The following ZCWPW2 variants were observed in gnomAD, a reference collection of about 807,000 sequenced individuals.
The protein encoded by ZCWPW2 is zinc finger CW-type PWWP domain protein 2.
In ZCWPW2, 45 loss-of-function variants were observed where a neutral mutation model predicts 46.6. The observed-to-expected ratio is 0.96, with a 90% confidence interval of 0.76 to 1.24. The LOEUF is 1.24. ZCWPW2 is among the 50% of genes most tolerant of loss of function. ZCWPW2 has a pLI of 0.00. For missense variants in ZCWPW2, 429 were observed against 403.9 expected (o/e 1.06, Z -0.53); for synonymous variants, 152 against 137.1 (o/e 1.11, Z -0.76).
intron 2 of ZCWPW2, among the ~76,000 whole-genome samples, chr3:28,397,501 C>A (rs1160119282): frequency 6.6e-6 from 1 of 152,102 alleles, no homozygotes. Flanking sequence ...GAGACCCTGT[C>A]TCTACTAAAA....
At chr3:28,399,321 C>T (rs551483151) in intron 2 of ZCWPW2, among the ~76,000 whole-genome samples, 3 of 152,224 alleles carry the variant, frequency 2.0e-5, no homozygotes, top group South Asian at 4.1e-4. Flanking sequence ...CCTAGCCTTA[C>T]CCCCACCCAG....
intron 6 of ZCWPW2, among the ~76,000 whole-genome samples, chr3:28,511,349 C>T (rs1434235373): frequency 2.0e-5 from 3 of 151,830 alleles, no homozygotes; most frequent in African/African-American, 7.3e-5. Context: ...ATAATGTAAA[C>T]AAGATTTTAA....
rs915757779 is a variant in ZCWPW2 at position 28,526,336 on chromosome 3, A to G, written c.*1648A>G. 1.3e-5 allele frequency among the ~76,000 whole-genome samples: 2 copies of G among 152,172 alleles called. No individual in the cohort carries two copies. The highest frequency in any genetic ancestry group is 2.9e-5 in the Non-Finnish European group (2 of 68,020). ...TATCAGAGTTCTTTCTTTCTCATTT[A>G]TAAAATTAATCTTTGGAAACCATCA... On this transcript the variant is annotated 3_prime_UTR_variant, in exon 10 of 10. Coordinates refer to ENST00000383768, the MANE Select transcript of ZCWPW2 (RefSeq NM_001040432.4).
rs536689535 is a variant in ZCWPW2, at chr3:28,480,445, T to TAGATGGTGGATATTAGACCTTTGTC, written c.610+1545_610+1569dup. Among the ~76,000 whole-genome samples the TAGATGGTGGATATTAGACCTTTGTC allele has an allele frequency of 3.0e-3, 459 of 152,122 alleles. 10 individuals are homozygous for TAGATGGTGGATATTAGACCTTTGTC. The South Asian group carries it at 0.034, about 11-fold the overall frequency. ...CTTGTGAACTTGTTTAAGTTCCCTATAGATGGTGGATATTAGACCTTTGTC... is the reference window on the plus strand; with the variant it reads ...CTTGTGAACTTGTTTAAGTTCCCTATAGATGGTGGATATTAGACCTTTGTCAGATGGTGGATATTAGACCTTTGTC... On this transcript the variant is annotated intron_variant, in intron 5 of 9. Transcript: ENST00000383768.
chr3:28,396,809 TG>T (rs1372878617), intron 2 of ZCWPW2, among the ~76,000 whole-genome samples: 1 of 152,234 alleles, frequency 6.6e-6, no homozygotes, highest in Non-Finnish European at 1.5e-5. Context: ...CTATTCCATA[TG>T]TATTTATTCA....
At chr3:28,381,939 G>T (rs1260127509) in intron 1 of ZCWPW2, among the ~76,000 whole-genome samples, 1 of 152,080 alleles carries the variant, frequency 6.6e-6, no homozygotes, top group Non-Finnish European at 1.5e-5. Flanking sequence ...AAGGTGGGCG[G>T]ATCACCTGAG....
chr3:28,393,485 A>G (rs1451548870), intron 2 of ZCWPW2, among the ~76,000 whole-genome samples: 2 of 152,144 alleles, frequency 1.3e-5, no homozygotes, highest in Non-Finnish European at 2.9e-5. Context: ...GGACACTACA[A>G]GAAAAGAAAA....
At chr3:28,511,714 C>T (rs1430539596) in intron 6 of ZCWPW2, among the ~76,000 whole-genome samples, 1 of 151,994 alleles carries the variant, frequency 6.6e-6, no homozygotes, top group Non-Finnish European at 1.5e-5. Context: ...TTTGTAAATC[C>T]TCTTTGTTCT....
At chr3:28,473,823 A>G (rs1030077443) in intron 4 of ZCWPW2, among the ~76,000 whole-genome samples, 4 of 152,328 alleles carry the variant, frequency 2.6e-5, no homozygotes, top group South Asian at 2.1e-4. Context: ...CTAAAAATTA[A>G]AAGAGTTGAA....
intron 1 of ZCWPW2, among the ~76,000 whole-genome samples, chr3:28,375,949 ATGT>A (rs1351017112): frequency 1.3e-4 from 18 of 137,020 alleles, no homozygotes; most frequent in Admixed American, 1.6e-4. Context: ...AGTTCCATCC[ATGT>A]TGTTGCAAAT....
At position 28,478,774 on chromosome 3, in the gene ZCWPW2, T is replaced by C. The variant is rs758159743; in HGVS notation, c.493-40T>C. 2.6e-6 allele frequency: 3 copies of C among 1,134,702 alleles called. No individual in the cohort carries two copies. In the South Asian group the frequency reaches 6.1e-5, roughly 23 times the overall value. The allele number at this position is 1,134,702 out of a possible 1,614,324, so 70.3% of individuals were successfully genotyped here. A position where few individuals can be genotyped will look rare whatever the true frequency, so the allele number is the denominator to read the frequency against. The stretch of plus-strand genomic sequence containing the variant: ...GTGGATTTTAAAACAAAGTTATATA[T>C]TTAAAAATGAATTTTTTTCTTTTTT... On this transcript the variant is annotated intron_variant, in intron 4 of 9. Transcript: ENST00000383768.
intron 4 of ZCWPW2, among the ~76,000 whole-genome samples, chr3:28,435,765 C>G (rs567607581): frequency 6.6e-6 from 1 of 151,974 alleles, no homozygotes; most frequent in African/African-American, 2.4e-5. Flanking sequence ...GGATTACAGG[C>G]GTGAGCCACT....
intron 4 of ZCWPW2, among the ~76,000 whole-genome samples, chr3:28,475,334 C>A (rs1055232622): frequency 1.3e-5 from 2 of 152,146 alleles, no homozygotes; most frequent in Non-Finnish European, 2.9e-5. Flanking sequence ...AATCCTAACA[C>A]TTTTTACTAC....
intron 3 of ZCWPW2, among the ~76,000 whole-genome samples, chr3:28,430,070 A>G (rs538489183): frequency 6.6e-6 from 1 of 152,262 alleles, no homozygotes; most frequent in South Asian, 2.1e-4. Context: ...CTGTGAGAAG[A>G]GGGCCATCTT....
intron 1 of ZCWPW2, among the ~76,000 whole-genome samples, chr3:28,367,648 A>G (rs1174426612): frequency 2.0e-5 from 3 of 152,276 alleles, no homozygotes; most frequent in Middle Eastern, 3.4e-3. Context: ...AGTTCTGTAG[A>G]TGTCTATTAG....
intron 3 of ZCWPW2, among the ~76,000 whole-genome samples, chr3:28,420,976 T>G (rs1283705488): frequency 2.6e-5 from 4 of 152,204 alleles, no homozygotes; most frequent in African/African-American, 9.7e-5. Context: ...TTCTGAAATG[T>G]TCATTTGGTT....
intron 3 of ZCWPW2, among the ~76,000 whole-genome samples, chr3:28,417,293 C>G (rs1018686779): frequency 2.0e-5 from 3 of 152,048 alleles, no homozygotes; most frequent in African/African-American, 7.2e-5. Context: ...TTGACACATA[C>G]ACCCTCCCAA....
chr3:28,449,922 G>T (rs1383695958), intron 4 of ZCWPW2, among the ~76,000 whole-genome samples: 1 of 152,146 alleles, frequency 6.6e-6, no homozygotes, highest in African/African-American at 2.4e-5. Flanking sequence ...ATGATTTAGT[G>T]TAGTGTTTTA....
chr3:28,352,160 ACACACAC>A lies in ZCWPW2; in HGVS notation c.-134+2958_-134+2964del, dbSNP rs1412907802. ...CACACACACACACACACACACACAC[ACACACAC>A]GAGAGAGAATTATGTATGCCTTGCA... is the stretch of plus-strand genomic sequence containing the variant. On this transcript the variant is annotated intron_variant, in intron 1 of 9. Coordinates refer to ENST00000383768, the MANE Select transcript of ZCWPW2 (RefSeq NM_001040432.4). 1.1e-3 allele frequency among the ~76,000 whole-genome samples: 158 copies of A among 147,702 alleles called. 2 individuals are homozygous for A. The highest frequency in any genetic ancestry group is 3.5e-3 in the African/African-American group (140 of 39,946).
Sources: gnomAD v4.1 joint callset for allele counts (sites outside exome capture counted in the v4.1 genomes callset) on GRCh38, gnomAD v4.1.1 for gene constraint, MANE v1.5 for transcripts, NCBI Gene and HGNC (gene_info 2026-07-23, HGNC 2026-07-21) for gene names.